Variants in COL8A1 observed in about 807,000 individuals in gnomAD.
The protein encoded by COL8A1 is collagen type VIII alpha 1 chain.
In COL8A1, 21 loss-of-function variants were observed where a neutral mutation model predicts 42.7. That is an observed-to-expected ratio of 0.49 (90% confidence interval 0.35 to 0.71). The LOEUF (loss-of-function observed/expected upper bound fraction) is 0.71. COL8A1 is among the 30% of genes least tolerant of loss of function. The pLI is 0.01. For synonymous variants in COL8A1, 367 were observed against 369.1 expected (o/e 0.99, Z 0.06); for missense variants, 788 against 962.4 (o/e 0.82, Z 2.40).
intron 1 of COL8A1, among the ~76,000 whole-genome samples, chr3:99,668,883 G>A (rs1938444110): frequency 6.6e-6 from 1 of 151,922 alleles, no homozygotes; most frequent in Non-Finnish European, 1.5e-5. Flanking sequence ...AAATTGACAA[G>A]TAAATTACTG....
At chr3:99,764,849 A>C (rs942760025) in intron 2 of COL8A1, among the ~76,000 whole-genome samples, 3 of 152,040 alleles carry the variant, frequency 2.0e-5, no homozygotes, top group African/African-American at 7.3e-5. Context: ...TAAATCAATT[A>C]ATCAATGTAA....
At chr3:99,773,841 T>TATATATATATATATATATATATATA (rs1381763910) in intron 2 of COL8A1, among the ~76,000 whole-genome samples, 6 of 85,642 alleles carry the variant, frequency 7.0e-5, no homozygotes, top group African/African-American at 2.5e-4. Context: ...ATATATATTT[T>TATATATATATATATATATATATATA]TTTTTTTTTT....
chr3:99,669,729 C>G (rs187194804), intron 1 of COL8A1, among the ~76,000 whole-genome samples: 63 of 152,022 alleles, frequency 4.1e-4, no homozygotes, highest in Admixed American at 4.1e-3. Flanking sequence ...ATAGGAGAGA[C>G]AAAATTACAA....
intron 1 of COL8A1, among the ~76,000 whole-genome samples, chr3:99,685,760 T>C (rs1040940811): frequency 7.9e-5 from 12 of 152,194 alleles, no homozygotes; most frequent in Non-Finnish European, 5.9e-5. Flanking sequence ...TACAATATGG[T>C]AATAAATAGA....
rs116536298 is a variant in COL8A1 at position 99,704,377 on chromosome 3, C to T, written c.-128-40520C>T. Reference sequence around the variant, plus strand: ...TTCCTACACTCAAAGATTTTGCAACCTTGTCAGAAGGACAAGGCTTATATC... The same window carrying T: ...TTCCTACACTCAAAGATTTTGCAACTTTGTCAGAAGGACAAGGCTTATATC... On this transcript the variant is annotated intron_variant, in intron 1 of 3. Transcript: ENST00000652472. 4.5e-3 allele frequency among the ~76,000 whole-genome samples: 678 copies of T among 151,862 alleles called. 4 individuals are homozygous for T. The highest frequency in any genetic ancestry group is 0.015 in the African/African-American group (639 of 41,406).
intron 1 of COL8A1, among the ~76,000 whole-genome samples, chr3:99,715,363 A>T (rs1006977472): frequency 3.9e-5 from 6 of 152,086 alleles, no homozygotes; most frequent in Admixed American, 2.0e-4. Context: ...TGTTTTAAAG[A>T]TAGAGCTGAC....
chr3:99,733,597 C>T (rs983469637), intron 1 of COL8A1, among the ~76,000 whole-genome samples: 44 of 152,006 alleles, frequency 2.9e-4, no homozygotes, highest in Admixed American at 1.5e-3. Flanking sequence ...TGAATAATGC[C>T]GCAATAAACA....
At chr3:99,776,923 C>G (rs1941704325) in intron 2 of COL8A1, among the ~76,000 whole-genome samples, 1 of 152,144 alleles carries the variant, frequency 6.6e-6, no homozygotes, top group Non-Finnish European at 1.5e-5. Context: ...GTGGGAGTGT[C>G]CTTTATCATG....
At chr3:99,745,669 A>G (rs774091563) in intron 2 of COL8A1, among the ~76,000 whole-genome samples, 2 of 152,204 alleles carry the variant, frequency 1.3e-5, no homozygotes. Flanking sequence ...GATGAATGAA[A>G]CAGAGCATGA....
intron 1 of COL8A1, among the ~76,000 whole-genome samples, chr3:99,653,952 G>A (rs9849369): frequency 0.12 from 18,849 of 151,934 alleles, 1,412 homozygotes; most frequent in African/African-American, 0.21. Flanking sequence ...CCAATAGGCC[G>A]TCTGCAAGCT....
At chr3:99,793,520 C>T (rs554419172) in intron 3 of COL8A1, among the ~76,000 whole-genome samples, 1 of 152,110 alleles carries the variant, frequency 6.6e-6, no homozygotes, top group South Asian at 2.1e-4. Flanking sequence ...GAGTAGTGGG[C>T]TTATAGGCAA....
At chr3:99,647,113 C>T (rs1052136471) in intron 1 of COL8A1, among the ~76,000 whole-genome samples, 2 of 152,172 alleles carry the variant, frequency 1.3e-5, no homozygotes, top group African/African-American at 4.8e-5. Flanking sequence ...TATGGCTTCA[C>T]AGAAATTTTT....
chr3:99,762,614 A>C (rs1576467104), intron 2 of COL8A1, among the ~76,000 whole-genome samples: 1 of 151,828 alleles, frequency 6.6e-6, no homozygotes, highest in Non-Finnish European at 1.5e-5. Context: ...ACAGAGCAAA[A>C]CTCTATCCAC....
intron 1 of COL8A1, among the ~76,000 whole-genome samples, chr3:99,706,920 T>C (rs1939694964): frequency 6.6e-6 from 1 of 152,214 alleles, no homozygotes; most frequent in Admixed American, 6.5e-5. Flanking sequence ...TCTAGTTTGA[T>C]GAACAGTGCC....
At chr3:99,641,041 G>A (rs2107278337) in intron 1 of COL8A1, among the ~76,000 whole-genome samples, 1 of 152,222 alleles carries the variant, frequency 6.6e-6, no homozygotes. Context: ...CTACAGAAAT[G>A]TGCATTTTAG....
chr3:99,696,391 A>G (rs888847101), intron 1 of COL8A1, among the ~76,000 whole-genome samples: 4 of 152,204 alleles, frequency 2.6e-5, no homozygotes, highest in African/African-American at 9.6e-5. Context: ...AAGGGCAGGA[A>G]GGATCTGCTA....
intron 1 of COL8A1, among the ~76,000 whole-genome samples, chr3:99,685,899 A>G (rs1476015300): frequency 6.6e-6 from 1 of 152,202 alleles, no homozygotes; most frequent in East Asian, 1.9e-4. Context: ...AACATTTTTA[A>G]CCATATGAGA....
chr3:99,695,156 G>A (rs1939331372), intron 1 of COL8A1, among the ~76,000 whole-genome samples: 2 of 151,866 alleles, frequency 1.3e-5, no homozygotes, highest in African/African-American at 4.8e-5. Context: ...AAATGAAACA[G>A]GTTAATTTCA....
intron 1 of COL8A1, among the ~76,000 whole-genome samples, chr3:99,649,911 A>G (rs746339453): frequency 5.3e-5 from 8 of 152,214 alleles, no homozygotes; most frequent in Admixed American, 3.9e-4. Flanking sequence ...TGCTCCATAT[A>G]CCAGGTTACA....
Sources: gnomAD v4.1 joint callset for allele counts (sites outside exome capture counted in the v4.1 genomes callset) on GRCh38, gnomAD v4.1.1 for gene constraint, MANE v1.5 for transcripts, NCBI Gene and HGNC (gene_info 2026-07-23, HGNC 2026-07-21) for gene names.